Variants in UBXN6 observed in about 807,000 individuals in gnomAD.
UBXN6 encodes the protein UBX domain protein 6.
A neutral mutation model predicts 51.4 loss-of-function variants in UBXN6; 44 were observed. The ratio of observed to expected loss-of-function variants is 0.86; its 90% confidence interval spans 0.67 to 1.10. The LOEUF is 1.10. UBXN6 is among the 50% of genes least tolerant of loss of function. The pLI is 0.00. For missense variants in UBXN6, 672 were observed against 596.1 expected (o/e 1.13, Z -1.32); for synonymous variants, 316 against 263.2 (o/e 1.20, Z -1.94).
chr19:4,445,714 C>A (rs1974496461), intron 10 of UBXN6, 91 bp from the exon 11 acceptor site: 1 of 1,544,230 alleles, frequency 6.5e-7, no homozygotes, highest in Non-Finnish European at 8.7e-7. Context: ...CGGGGATGCC[C>A]CGGCCTGGAA....
Position 4,446,304 on chromosome 19 carries a change from G to A in UBXN6, c.1030C>T (p.Pro344Ser). 6.4e-7 allele frequency: 1 copy of A among 1,572,010 alleles called. No individual in the cohort carries two copies. ...YNYTLLRVRL[P>S]DGCLLQGTFY... is the part of the protein sequence containing the mutation. The stretch of plus-strand genomic sequence containing the variant: ...CCACCCTGCAGGAGGCAGCCATCGG[G>A]GAGGCGCACGCGCAGCAGCGTGTAG... The change falls in exon 9 of 11, where the codon CCC becomes TCC. Residue 344 changes from proline to serine, a missense_variant. Physicochemically the swap from Pro to Ser is moderately conservative, Grantham distance 74. Coordinates refer to ENST00000301281, the MANE Select transcript of UBXN6 (RefSeq NM_025241.3).
At chr19:4,452,265 G>T (rs571480723) in intron 4 of UBXN6, 99 bp downstream of exon 4, 3 of 1,520,982 alleles carry the variant, frequency 2.0e-6, no homozygotes, top group East Asian at 4.6e-5. Flanking sequence ...GGCCTCTGGG[G>T]ACTCTGGGAG....
intron 4 of UBXN6, among the ~76,000 whole-genome samples, chr19:4,451,321 G>A (rs949506880): frequency 6.6e-6 from 1 of 152,064 alleles, no homozygotes; most frequent in Non-Finnish European, 1.5e-5. Context: ...GCCTCCCAAA[G>A]CACTGGAATT....
Position 4,446,319 on chromosome 19 carries a change from G to C in UBXN6, c.1015C>G (p.Leu339Val). 1 of 1,573,980 alleles carries C rather than the reference G, an allele frequency of 6.4e-7. No individual in the cohort carries two copies. The highest frequency in any genetic ancestry group is 1.8e-5 in the Admixed American group (1 of 55,480). The change falls in exon 9 of 11, where the codon CTG becomes GTG. Residue 339 changes from leucine to valine, a missense_variant. By Grantham distance (32) the Leu-to-Val change is conservative. Transcript: ENST00000301281. ...CAGCCATCGGGGAGGCGCACGCGCAGCAGCGTGTAGTTGTACTTGCGCAGC... is the reference window on the plus strand; with the variant it reads ...CAGCCATCGGGGAGGCGCACGCGCACCAGCGTGTAGTTGTACTTGCGCAGC... ...RGLRKYNYTLLRVRLPDGCLL... is the reference protein window; with the variant it reads ...RGLRKYNYTLVRVRLPDGCLL...
At chr19:4,449,824 C>G (rs1329283521) in intron 4 of UBXN6, 1 of 151,636 alleles carries the variant, frequency 6.6e-6, no homozygotes, top group Non-Finnish European at 1.5e-5. Context: ...GAGCCAAGAT[C>G]TAAAAAAAAA....
rs759512258 is a variant in UBXN6 at position 4,454,106 on chromosome 19, C to A, written c.84-13G>T. 1.6e-5 allele frequency: 24 copies of A among 1,521,116 alleles called. No individual in the cohort carries two copies. The highest frequency in any genetic ancestry group is 2.0e-5 in the Non-Finnish European group (23 of 1,139,934). The allele number at this position is 1,521,116 out of a possible 1,614,324, so 94.2% of individuals were successfully genotyped here. A position where few individuals can be genotyped will look rare whatever the true frequency, so the allele number is the denominator to read the frequency against. On this transcript the variant is annotated splice_polypyrimidine_tract_variant and intron_variant, in intron 1 of 10. Transcript: ENST00000301281. ...GTGGGCCTTTTCCCTGGGAACAGAC[C>A]GAGGGAGAGTGAGTGTATCCTCCCG... is the stretch of plus-strand genomic sequence containing the variant.
intron 7 of UBXN6, 32 bp from the exon 8 acceptor site, chr19:4,446,751 G>A: frequency 6.2e-7 from 1 of 1,611,306 alleles, no homozygotes; most frequent in South Asian, 1.1e-5. Context: ...GTGTCACTGT[G>A]CAATGGAGAG....
chr19:4,448,094 T>C, intron 5 of UBXN6: 2 of 585,708 alleles, frequency 3.4e-6, no homozygotes, highest in South Asian at 2.0e-5. Context: ...GGGAAACCCC[T>C]GATTCCTTCA....
At chr19:4,449,014 T>C (rs2145177457) in intron 4 of UBXN6, 1 of 155,044 alleles carries the variant, frequency 6.4e-6, no homozygotes, top group East Asian at 1.9e-4. Flanking sequence ...CCTATCCACC[T>C]ATGTTACCGG....
intron 1 of UBXN6, 72 bp from the exon 2 acceptor site, chr19:4,454,165 G>A: frequency 7.0e-7 from 1 of 1,433,780 alleles, no homozygotes; most frequent in Non-Finnish European, 9.2e-7. Flanking sequence ...CAGTCACACA[G>A]AGGAGCTTCT....
rs1327339350 is a variant in UBXN6 at position 4,445,997 on chromosome 19, G to C, written c.1200+52C>G. On this transcript the variant is annotated intron_variant, in intron 10 of 10. Transcript: ENST00000301281. ...CTGGGGGTGTCTGTGCCGGTCCCAG[G>C]AGAACCTGCAGAGGCATCGGGTCAG... is the stretch of plus-strand genomic sequence containing the variant. 4 of 1,550,020 alleles carry C rather than the reference G, an allele frequency of 2.6e-6. No homozygotes were observed. In the African/African-American group the frequency reaches 5.5e-5, roughly 21 times the overall value.
chr19:4,452,349 C>G lies in UBXN6; in HGVS notation c.441+15G>C, dbSNP rs369580764. On this transcript the variant is annotated intron_variant, in intron 4 of 10. Transcript: ENST00000301281. ...AGCTACAGGTTGGGGCAGGAGCACA[C>G]AGGGTGCCACTCACCAAGAGAATGG... The G allele has an allele frequency of 1.2e-6, 2 of 1,611,672 alleles. No individual in the cohort carries two copies. The highest frequency in any genetic ancestry group is 1.7e-6 in the Non-Finnish European group (2 of 1,178,612).
rs368371362 is a variant in UBXN6 at position 4,446,207 on chromosome 19, G to T, written c.1052-10C>A. Reference sequence around the variant, plus strand: ...CGAGCGTAGAAAGTGCCTGGGGAGTGGGGGAGTCAGAGCGGGTGGGGCCCA... The same window carrying T: ...CGAGCGTAGAAAGTGCCTGGGGAGTTGGGGAGTCAGAGCGGGTGGGGCCCA... On this transcript the variant is annotated splice_polypyrimidine_tract_variant and intron_variant, in intron 9 of 10. Transcript: ENST00000301281. The T allele has an allele frequency of 3.8e-6, 6 of 1,595,774 alleles. No individual in the cohort carries two copies. The highest frequency in any genetic ancestry group is 2.2e-5 in the South Asian group (2 of 89,742).
intron 10 of UBXN6, 191 bp from the exon 11 acceptor site, chr19:4,445,814 A>C: frequency 9.2e-7 from 1 of 1,083,778 alleles, no homozygotes. Flanking sequence ...AACCTACTGC[A>C]CTAGCTAACG....
chr19:4,452,527 G>A (rs1238538273), intron 3 of UBXN6, 35 bp from the exon 4 acceptor site: 1 of 1,595,986 alleles, frequency 6.3e-7, no homozygotes, highest in Non-Finnish European at 8.5e-7. Context: ...CTGGACCGTG[G>A]ACAGAGGCCA....
intron 1 of UBXN6, chr19:4,455,147 G>A (rs1568193799): frequency 1.1e-6 from 1 of 943,270 alleles, no homozygotes; most frequent in South Asian, 4.9e-5. Flanking sequence ...GCCTCGCAGA[G>A]AAGCCCTTTC....
intron 6 of UBXN6, 71 bp downstream of exon 6, chr19:4,447,479 C>T: frequency 1.3e-6 from 2 of 1,562,714 alleles, no homozygotes; most frequent in Non-Finnish European, 1.8e-6. Flanking sequence ...TGGTGTGGGC[C>T]ACCACCGGCT....
intron 1 of UBXN6, among the ~76,000 whole-genome samples, chr19:4,455,867 G>T (rs533445637): frequency 1.3e-5 from 2 of 152,026 alleles, no homozygotes; most frequent in South Asian, 2.1e-4. Flanking sequence ...ACCACCTGAC[G>T]GCCCCTGCTC....
At chr19:4,447,362 G>A (rs1974556120) in intron 6 of UBXN6, 188 bp downstream of exon 6, 6 of 616,078 alleles carry the variant, frequency 9.7e-6, no homozygotes, top group South Asian at 3.7e-5. Flanking sequence ...TGGGGTGACC[G>A]GTGCATAAAA....
Sources: allele counts gnomAD v4.1 joint callset (sites outside exome capture counted in the v4.1 genomes callset), GRCh38; gene constraint gnomAD v4.1.1; transcripts MANE v1.5; gene names NCBI Gene and HGNC (gene_info 2026-07-23, HGNC 2026-07-21).